The following STK39 variants were observed in gnomAD, a reference collection of about 807,000 sequenced individuals.
STK39 encodes the protein serine/threonine kinase 39, also known as STE20/SPS1-related proline-alanine-rich protein kinase.
STK39 carries 20 observed loss-of-function variants against 77.8 expected under a neutral mutation model. That is an observed-to-expected ratio of 0.26 (90% CI 0.18 to 0.37). STK39 has a LOEUF of 0.37. Among genes scored for constraint, STK39 ranks in the 10% least tolerant of loss-of-function variants. The pLI, the probability that STK39 is intolerant of heterozygous loss-of-function variation, is 1.00. For synonymous variants in STK39, 246 were observed against 234.1 expected, an observed-to-expected ratio of 1.05 and a Z score of -0.47; for missense variants, 479 against 656.5, an observed-to-expected ratio of 0.73 and a Z score of 2.95.
rs140114576 is a variant in STK39, at chr2:168,244,424, C to A, written c.208+2804G>T. Among the ~76,000 whole-genome samples, 335 of 152,348 alleles carry A rather than the reference C, an allele frequency of 2.2e-3. 1 individual carries two copies. Among genetic ancestry groups the A allele is most frequent in the African/African-American group, 7.8e-3 (324 of 41,568 alleles). The stretch of plus-strand genomic sequence containing the variant: ...AAAACACGGTGCCTCCTTTGGTTTT[C>A]TGTTCAGGCACATCTGAGCCTCCTG... On this transcript the variant is annotated intron_variant, in intron 1 of 17. Transcript: ENST00000355999.
intron 5 of STK39, among the ~76,000 whole-genome samples, chr2:168,143,365 A>C (rs1473165714): frequency 6.6e-6 from 1 of 152,138 alleles, no homozygotes; most frequent in Non-Finnish European, 1.5e-5. Context: ...TTCTTTCCCC[A>C]GATCCAGGCT....
chr2:168,028,162 A>G (rs553318595), intron 14 of STK39, among the ~76,000 whole-genome samples: 1 of 152,304 alleles, frequency 6.6e-6, no homozygotes, highest in South Asian at 2.1e-4. Context: ...CTATTACATA[A>G]TAGTTTCAAA....
chr2:168,129,683 A>G (rs1329024270), intron 9 of STK39, 27 bp downstream of exon 9: 1 of 1,614,036 alleles, frequency 6.2e-7, no homozygotes, highest in Non-Finnish European at 8.5e-7. Context: ...AAAATAGCAG[A>G]TTTACTTGGG....
At chr2:168,139,092 T>C (rs1328018303) in intron 7 of STK39, among the ~76,000 whole-genome samples, 4 of 152,162 alleles carry the variant, frequency 2.6e-5, no homozygotes, top group African/African-American at 9.7e-5. Flanking sequence ...GGCTTATTGT[T>C]TGTGGAGGAT....
intron 8 of STK39, among the ~76,000 whole-genome samples, chr2:168,136,302 G>A (rs1687836953): frequency 1.3e-5 from 2 of 150,540 alleles, no homozygotes; most frequent in African/African-American, 2.4e-5. Flanking sequence ...CCGGGAGGTA[G>A]AGGTTGCAGT....
At chr2:167,986,172 G>T (rs1292578481) in intron 16 of STK39, among the ~76,000 whole-genome samples, 1 of 152,184 alleles carries the variant, frequency 6.6e-6, no homozygotes, top group Non-Finnish European at 1.5e-5. Flanking sequence ...CAGGAACACT[G>T]ACTGCCCTTA....
At chr2:168,205,517 A>C (rs1423293942) in intron 1 of STK39, among the ~76,000 whole-genome samples, 2 of 152,194 alleles carry the variant, frequency 1.3e-5, no homozygotes, top group East Asian at 1.9e-4. Context: ...AAATTATTTT[A>C]TATATGGGCT....
intron 10 of STK39, among the ~76,000 whole-genome samples, chr2:168,115,079 G>A (rs1687223623): frequency 6.6e-6 from 1 of 152,124 alleles, no homozygotes; most frequent in Admixed American, 6.5e-5. Context: ...TTAGCCTGAA[G>A]TACCTCGTAT....
chr2:168,144,696 T>C (rs990528256), intron 5 of STK39, among the ~76,000 whole-genome samples: 3 of 152,100 alleles, frequency 2.0e-5, no homozygotes, highest in Non-Finnish European at 4.4e-5. Context: ...GGTAGATCGA[T>C]AAGCTACTCA....
At chr2:168,076,222 G>T (rs1293392092) in intron 10 of STK39, among the ~76,000 whole-genome samples, 1 of 152,110 alleles carries the variant, frequency 6.6e-6, no homozygotes, top group Non-Finnish European at 1.5e-5. Context: ...AGGAGATGGA[G>T]GCCCAGAACG....
Position 168,140,728 on chromosome 2 carries a change from C to T in STK39, c.659G>A (p.Gly220Glu). 1 of 1,609,830 alleles carries T rather than the reference C, an allele frequency of 6.2e-7. No homozygotes were observed. The highest frequency in any genetic ancestry group is 8.5e-7 in the Non-Finnish European group (1 of 1,177,330). Reference sequence around the variant, plus strand: ...TACTTTATTTCGGGTAACATCACCCCCTGTTGCTAGGAACGCACTTACCCC... The same window carrying T: ...TACTTTATTTCGGGTAACATCACCCTCTGTTGCTAGGAACGCACTTACCCC... ...DFGVSAFLAT[G>E]GDVTRNKVRK... The change falls in exon 6 of 18, where the codon GGG (glycine) becomes GAG (glutamate). Residue 220 changes from glycine (G) to glutamate (E), a missense_variant. Gly to Glu is a moderately conservative substitution (Grantham distance 98). Coordinates refer to ENST00000355999, the MANE Select transcript of STK39 (RefSeq NM_013233.3).
intron 12 of STK39, among the ~76,000 whole-genome samples, chr2:168,067,088 G>C (rs1321005614): frequency 6.6e-6 from 1 of 152,176 alleles, no homozygotes; most frequent in Non-Finnish European, 1.5e-5. Context: ...TAGGTGTGGT[G>C]GTTTGCGCCT....
intron 12 of STK39, among the ~76,000 whole-genome samples, chr2:168,071,238 T>C (rs889661506): frequency 6.6e-6 from 1 of 152,166 alleles, no homozygotes; most frequent in African/African-American, 2.4e-5. Context: ...ATAAATACTA[T>C]ATGCCTACTC....
chr2:167,980,964 A>G (rs939427227), intron 16 of STK39, among the ~76,000 whole-genome samples: 1 of 151,984 alleles, frequency 6.6e-6, no homozygotes, highest in Non-Finnish European at 1.5e-5. Flanking sequence ...ACAGAGTAAG[A>G]GTGAATAATT....
At chr2:167,988,406 T>C (rs1683614513) in intron 16 of STK39, among the ~76,000 whole-genome samples, 1 of 152,166 alleles carries the variant, frequency 6.6e-6, no homozygotes, top group African/African-American at 2.4e-5. Context: ...AGCAAGACCA[T>C]TTTAGACAAC....
intron 1 of STK39, among the ~76,000 whole-genome samples, chr2:168,226,886 C>T (rs1230105591): frequency 5.9e-5 from 9 of 152,106 alleles, no homozygotes; most frequent in African/African-American, 2.2e-4. Flanking sequence ...AACTTGGAAA[C>T]AATCAATAAG....
At chr2:168,168,756 C>T (rs921741357) in intron 2 of STK39, among the ~76,000 whole-genome samples, 2 of 152,116 alleles carry the variant, frequency 1.3e-5, no homozygotes, top group African/African-American at 2.4e-5. Context: ...TTTGGGAGGC[C>T]GCAGCAGGCG....
chr2:168,163,677 G>A (rs2292787), intron 4 of STK39, 62 bp downstream of exon 4: 51,812 of 1,567,806 alleles, frequency 0.033, 4,263 homozygotes, highest in East Asian at 0.29. Flanking sequence ...GACAGTCTAA[G>A]CCTTCCAAAA....
chr2:168,140,815 T>A, intron 5 of STK39, 57 bp from the exon 6 acceptor site: 3 of 1,391,398 alleles, frequency 2.2e-6, no homozygotes, highest in Non-Finnish European at 3.0e-6. Flanking sequence ...GCTTATAAAT[T>A]GTGATTTTTT....
Sources: allele counts gnomAD v4.1 joint callset (sites outside exome capture counted in the v4.1 genomes callset), GRCh38; gene constraint gnomAD v4.1.1; transcripts MANE v1.5; gene names NCBI Gene and HGNC (gene_info 2026-07-23, HGNC 2026-07-21).